MDN1: variants seen among roughly 807,000 people sequenced by gnomAD.
MDN1 encodes the protein midasin AAA ATPase 1, also known as midasin.
In MDN1, 266 loss-of-function variants were observed where a neutral mutation model predicts 669.2. The ratio of observed to expected loss-of-function variants is 0.40; its 90% CI spans 0.36 to 0.44. The LOEUF (loss-of-function observed/expected upper bound fraction) is 0.44, where lower values mean the gene tolerates loss of function less well. MDN1 is among the 20% of genes least tolerant of loss of function. The pLI, the probability that MDN1 is intolerant of heterozygous loss-of-function variation, is 1.00. For missense variants in MDN1, 5,940 were observed against 6,754.0 expected (o/e 0.88, Z 4.22); for synonymous variants, 2,385 against 2,457.1 (o/e 0.97, Z 0.87).
Position 89,813,316 on chromosome 6 carries a change from G to A in MDN1, c.102+6190C>T, listed in dbSNP as rs144053678. ...TGTAATCCCAGCACTTCGGGAGACCGAGGCAGGAGGATCACCTGAGTTCAG... is the reference window on the plus strand; with the variant it reads ...TGTAATCCCAGCACTTCGGGAGACCAAGGCAGGAGGATCACCTGAGTTCAG... On this transcript the variant is annotated intron_variant, in intron 1 of 101. Coordinates refer to ENST00000369393, the MANE Select transcript of MDN1 (RefSeq NM_014611.3). Among the ~76,000 whole-genome samples, 1,388 of 152,250 alleles carry A rather than the reference G, an allele frequency of 9.1e-3. 12 individuals are homozygous for A. The highest frequency in any genetic ancestry group is 0.023 in the South Asian group (111 of 4,830).
At chr6:89,675,661 T>G (rs1584155070) in intron 77 of MDN1, 82 bp from the exon 78 acceptor site, 1 of 1,179,996 alleles carries the variant, frequency 8.5e-7, no homozygotes, top group African/African-American at 1.5e-5. Context: ...CTGTTTCTAC[T>G]ATAAGCGTCA....
rs770169404 is a variant in MDN1, at chr6:89,761,700, T to C, written c.2405A>G (p.His802Arg). The C allele has an allele frequency of 1.4e-5, 23 of 1,612,848 alleles. No homozygotes were observed. Among genetic ancestry groups the C allele is most frequent in the Non-Finnish European group, 1.7e-5 (20 of 1,179,462 alleles). Residue 802 changes from histidine (H) to arginine (R), a missense_variant, in exon 17 of 102, where the codon CAT becomes CGT. Around this residue, in one of 5 missense-constraint regions of MDN1, gnomAD observed 1,203 missense variants for 1,268.9 expected, o/e 0.95. Transcript: ENST00000369393. The part of the protein sequence containing the change: ...KWEAFGLRLN[H>R]AQQQMKMTEN... ...AGTCATTTTCATCTGTTGTTGGGCA[T>C]GGTTGAGTCTAAGACCAAATGCTTC...
intron 1 of MDN1, among the ~76,000 whole-genome samples, chr6:89,812,454 C>T (rs1435042768): frequency 5.9e-5 from 9 of 151,988 alleles, no homozygotes; most frequent in Non-Finnish European, 7.4e-5. Context: ...TAACCAATTC[C>T]GTTCCTTTGC....
In MDN1 at chr6:89,710,674, T is replaced by A. The variant is rs756047904; in HGVS notation, c.7765+7A>T. The A allele has an allele frequency of 6.7e-7, 1 of 1,503,536 alleles. No homozygotes were observed. Among genetic ancestry groups the A allele is most frequent in the Non-Finnish European group, 9.0e-7 (1 of 1,106,152 alleles). 93.1% of individuals were successfully genotyped at this position (1,503,536 alleles called of 1,614,324 possible). A position where few individuals can be genotyped will look rare whatever the true frequency, so the allele number is the denominator to read the frequency against. ...AGTGCTGAGAGCTAGAAATCAAAAG[T>A]GCATACCTGTTGTATTTGGTTGTAA... On this transcript the variant is annotated splice_region_variant and intron_variant, in intron 50 of 101. Coordinates refer to ENST00000369393, the MANE Select transcript of MDN1 (RefSeq NM_014611.3).
At chr6:89,812,659 AGGC>A (rs1768514246) in intron 1 of MDN1, among the ~76,000 whole-genome samples, 1 of 151,970 alleles carries the variant, frequency 6.6e-6, no homozygotes, top group Admixed American at 6.6e-5. Flanking sequence ...TAAAAGGATA[AGGC>A]AACTGCTAAC....
chr6:89,689,745 G>C (rs1223070877), intron 65 of MDN1, 125 bp downstream of exon 65: 2 of 1,171,622 alleles, frequency 1.7e-6, no homozygotes, highest in Non-Finnish European at 2.3e-6. Flanking sequence ...TTAAGCCAAG[G>C]AAACTCCAAT....
rs772352965 is a variant in MDN1 at position 89,662,216 on chromosome 6, T to C, written c.14436A>G (p.Lys4812=). ...MDEEDSELVA[K]DDNLDSGNSN... is the part of the protein sequence containing the mutation. ...AATTGCCACTATCCAAGTTGTCATC[T>C]TTAGCAACAAGTTCAGAATCTTCCT... Residue 4812 remains lysine, a synonymous_variant, in exon 87 of 102, where the codon AAA becomes AAG. Coordinates refer to ENST00000369393, the MANE Select transcript of MDN1 (RefSeq NM_014611.3). The C allele has an allele frequency of 3.7e-6, 6 of 1,611,904 alleles. No homozygotes were observed. In the East Asian group the frequency reaches 8.9e-5, roughly 24 times the overall value.
chr6:89,686,071 A>G lies in MDN1; in HGVS notation c.11573-98T>C, dbSNP rs138392554. The G allele has an allele frequency of 2.7e-3, 3,161 of 1,156,314 alleles. 7 individuals carry two copies. The highest frequency in any genetic ancestry group is 3.6e-3 in the Non-Finnish European group (2,935 of 824,730). The allele number at this position is 1,156,314 out of a possible 1,614,324, so 71.6% of individuals were successfully genotyped here. ...CTATTTGGGATACTACGGATGGCCA[A>G]GAGGTAGACATCACAATGTGAAGCT... is the stretch of plus-strand genomic sequence containing the variant. On this transcript the variant is annotated intron_variant, in intron 69 of 101. Transcript: ENST00000369393.
At chr6:89,814,830 G>A in intron 1 of MDN1, 1 of 479,928 alleles carries the variant, frequency 2.1e-6, no homozygotes, top group Non-Finnish European at 4.2e-6. Context: ...CAGTTCCAAA[G>A]AAGGCTGCCC....
chr6:89,730,501 TA>T (rs1361036909), intron 35 of MDN1, among the ~76,000 whole-genome samples: 1 of 152,206 alleles, frequency 6.6e-6, no homozygotes, highest in Non-Finnish European at 1.5e-5. Flanking sequence ...AAGCACTGTA[TA>T]AGACAATCTA....
rs377702483 is a variant in MDN1, at chr6:89,712,585, T to C, written c.7420A>G (p.Ser2474Gly). Residue 2474 changes from serine (S) to glycine (G), a missense_variant, in exon 48 of 102, where the codon AGC becomes GGC. By Grantham distance (56) the Ser-to-Gly change is moderately conservative (BLOSUM62 0). Transcript: ENST00000369393. Reference sequence around the variant, plus strand: ...GAAGGCTCCACTGACCTTGTCCAGCTGCTGGTTTTCATGCTCATCCTGTTG... The same window carrying C: ...GAAGGCTCCACTGACCTTGTCCAGCCGCTGGTTTTCATGCTCATCCTGTTG... The part of the protein sequence containing the change: ...CLNRMSMKTS[S>G]WTRSQPFTLQ... 3.1e-6 allele frequency: 5 copies of C among 1,613,920 alleles called. No individual in the cohort carries two copies. The highest frequency in any genetic ancestry group is 4.2e-6 in the Non-Finnish European group (5 of 1,179,952).
chr6:89,776,191 G>A (rs1319917151), intron 12 of MDN1, among the ~76,000 whole-genome samples: 1 of 152,194 alleles, frequency 6.6e-6, no homozygotes, highest in Non-Finnish European at 1.5e-5. Flanking sequence ...GCTGTGCACA[G>A]TGGCTCATGC....
chr6:89,745,522 A>G lies in MDN1; in HGVS notation c.4009T>C (p.Phe1337Leu). Residue 1337 changes from phenylalanine to leucine, a missense_variant, in exon 28 of 102, where the codon TTC (phenylalanine) becomes CTC (leucine). Physicochemically the swap from Phe to Leu is conservative, Grantham distance 22. Coordinates refer to ENST00000369393, the MANE Select transcript of MDN1 (RefSeq NM_014611.3). ...FKKKLCPQSL[F>L]SKENVLKLLG... ...AATTTTAGAACATTTTCTTTGGAGA[A>G]AAGAGATTGAGGACACAATTTTTTC... is the stretch of plus-strand genomic sequence containing the variant. The G allele has an allele frequency of 6.2e-7, 1 of 1,614,184 alleles. No individual in the cohort carries two copies. The highest frequency in any genetic ancestry group is 1.1e-5 in the South Asian group (1 of 91,076).
intron 100 of MDN1, among the ~76,000 whole-genome samples, chr6:89,646,289 G>A (rs1043241290): frequency 1.3e-5 from 2 of 152,194 alleles, no homozygotes; most frequent in Admixed American, 1.3e-4. Flanking sequence ...TTATAAATCT[G>A]AACTCAAGTA....
In MDN1 at chr6:89,749,566, G is replaced by A. The variant is rs1327558550; in HGVS notation, c.3592C>T (p.Pro1198Ser). The A allele has an allele frequency of 8.1e-6, 13 of 1,614,114 alleles. No individual in the cohort carries two copies. The highest frequency in any genetic ancestry group is 1.0e-5 in the Non-Finnish European group (12 of 1,180,014). The change falls in exon 25 of 102, where the codon CCA (proline) becomes TCA (serine). Residue 1198 changes from proline to serine, a missense_variant. Physicochemically the swap from Pro to Ser is moderately conservative, Grantham distance 74. Coordinates refer to ENST00000369393, the MANE Select transcript of MDN1 (RefSeq NM_014611.3). Reference sequence around the variant, plus strand: ...ACCTTTCTGCCTCCATAAAGTCCTGGGGGATTTTGGGTGGCAAAAAGCATA... The same window carrying A: ...ACCTTTCTGCCTCCATAAAGTCCTGAGGGATTTTGGGTGGCAAAAAGCATA... ...RFMLFATQNP[P>S]GLYGGRKVLS...
chr6:89,755,250 A>G (rs541790930), intron 20 of MDN1, among the ~76,000 whole-genome samples: 1 of 152,222 alleles, frequency 6.6e-6, no homozygotes, highest in Admixed American at 6.5e-5. Context: ...TCTATTTAAT[A>G]CAGGACTTCA....
intron 8 of MDN1, among the ~76,000 whole-genome samples, chr6:89,787,014 G>C (rs1584370828): frequency 6.6e-6 from 1 of 150,952 alleles, no homozygotes; most frequent in African/African-American, 2.4e-5. Flanking sequence ...GCTGTGCTGG[G>C]AAGACTGCTT....
In MDN1 at chr6:89,654,341, A is replaced by T; in HGVS notation, c.15491-7T>A. The T allele has an allele frequency of 6.2e-7, 1 of 1,614,140 alleles. No homozygotes were observed. The highest frequency in any genetic ancestry group is 8.5e-7 in the Non-Finnish European group (1 of 1,179,992). ...TGTTCTTTGCTGGCCACATCTGTCAACAAAGCACGCACCCACACATAAAAA... is the reference window on the plus strand; with the variant it reads ...TGTTCTTTGCTGGCCACATCTGTCATCAAAGCACGCACCCACACATAAAAA... On this transcript the variant is annotated splice_polypyrimidine_tract_variant and splice_region_variant and intron_variant, in intron 92 of 101. Coordinates refer to ENST00000369393, the MANE Select transcript of MDN1 (RefSeq NM_014611.3).
chr6:89,805,506 C>A (rs140761439), intron 1 of MDN1, among the ~76,000 whole-genome samples: 1 of 152,138 alleles, frequency 6.6e-6, no homozygotes, highest in East Asian at 1.9e-4. Context: ...CATGCCACTG[C>A]ACTCCAGCCT....
Sources: gnomAD v4.1 joint callset for allele counts (sites outside exome capture counted in the v4.1 genomes callset) on GRCh38, gnomAD v4.1.1 for gene constraint, gnomAD v4.1.1 regional missense constraint, MANE v1.5 for transcripts, NCBI Gene and HGNC (gene_info 2026-07-23, HGNC 2026-07-21) for gene names.